FREM2: variants seen among roughly 807,000 people sequenced by gnomAD.
FREM2 encodes the protein FRAS1 related extracellular matrix 2.
Under a neutral mutation model 219.9 loss-of-function variants are expected in FREM2, and 119 were observed. The ratio of observed to expected loss-of-function variants is 0.54; its 90% CI spans 0.47 to 0.63. The LOEUF is 0.63. Ranked by LOEUF, FREM2 falls within the 30% of genes least tolerant of loss-of-function variation. The pLI is 0.00. For missense variants in FREM2, 4,030 were observed against 3,993.6 expected (o/e 1.01, Z -0.25); for synonymous variants, 1,562 against 1,522.8 (o/e 1.03, Z -0.60).
intron 3 of FREM2, among the ~76,000 whole-genome samples, chr13:38,767,732 A>ACC (rs1283312608): frequency 6.6e-6 from 1 of 152,188 alleles, no homozygotes; most frequent in African/African-American, 2.4e-5. Flanking sequence ...TGCACAAGGA[A>ACC]CCAGAGAGCT....
At position 38,687,428 on chromosome 13, in the gene FREM2, C is replaced by G. The variant is rs141718695; in HGVS notation, c.84C>G (p.Pro28=). 1.4e-3 allele frequency: 2,262 copies of G among 1,601,794 alleles called. 8 individuals are homozygous for G. Among genetic ancestry groups the G allele is most frequent in the African/African-American group, 8.5e-3 (633 of 74,872 alleles). Residue 28 remains proline (P), a synonymous_variant, in exon 1 of 24, where the codon CCC becomes CCG. Transcript: ENST00000280481. ...TSFQPGPPPP[P]RLLLLLLLLL... Reference sequence around the variant, plus strand: ...TTCAACCAGGACCGCCACCGCCGCCCCGGCTGCTGCTGCTGCTGCTGCTTC... The same window carrying G: ...TTCAACCAGGACCGCCACCGCCGCCGCGGCTGCTGCTGCTGCTGCTGCTTC...
chr13:38,851,773 T>C lies in FREM2; in HGVS notation c.6830T>C (p.Ile2277Thr). 1 of 1,613,832 alleles carries C rather than the reference T, an allele frequency of 6.2e-7. No individual in the cohort carries two copies. The highest frequency in any genetic ancestry group is 8.5e-7 in the Non-Finnish European group (1 of 1,179,774). The change falls in exon 11 of 24, where the codon ATT becomes ACT. Residue 2277 changes from isoleucine to threonine, a missense_variant. Around this residue, in one of 2 missense-constraint regions of FREM2, gnomAD observed 3,102 missense variants for 2,950.7 expected, o/e 1.05. Coordinates refer to ENST00000280481, the MANE Select transcript of FREM2 (RefSeq NM_207361.6). ...GESVVIRIPV[I>T]RQGDTSKVSI... ...TCGGTGGTTATAAGAATTCCAGTGA[T>C]TCGCCAAGGAGACACTTCAAAGGTT...
chr13:38,755,881 A>G (rs1872976450), intron 2 of FREM2, among the ~76,000 whole-genome samples: 1 of 152,218 alleles, frequency 6.6e-6, no homozygotes, highest in East Asian at 1.9e-4. Flanking sequence ...ACAATCCTAC[A>G]GATTTTCTTT....
chr13:38,770,081 CAT>C (rs1873599185), intron 4 of FREM2, among the ~76,000 whole-genome samples: 1 of 147,146 alleles, frequency 6.8e-6, no homozygotes, highest in Admixed American at 6.8e-5. Context: ...TATATATAAA[CAT>C]AATTATATTT....
chr13:38,784,484 A>T, intron 5 of FREM2, 73 bp from the exon 6 acceptor site: 1 of 1,556,558 alleles, frequency 6.4e-7, no homozygotes, highest in Non-Finnish European at 8.8e-7. Context: ...GCTGTGTATG[A>T]AAATAATTGT....
intron 2 of FREM2, among the ~76,000 whole-genome samples, chr13:38,714,195 C>CA (rs1188773703): frequency 5.3e-5 from 8 of 152,210 alleles, no homozygotes; most frequent in African/African-American, 1.7e-4. Context: ...GTCACATATT[C>CA]AAATGAGTGA....
intron 3 of FREM2, among the ~76,000 whole-genome samples, chr13:38,765,813 CT>C (rs1263256810): frequency 1.2e-3 from 182 of 152,274 alleles, no homozygotes; most frequent in South Asian, 2.9e-3. Flanking sequence ...TCCCCGCGGC[CT>C]CACCCCCAGC....
intron 6 of FREM2, among the ~76,000 whole-genome samples, chr13:38,836,147 A>G (rs1308881397): frequency 2.6e-5 from 4 of 152,204 alleles, no homozygotes; most frequent in Non-Finnish European, 4.4e-5. Context: ...CGTTTTTAGC[A>G]TGAAGGAGTG....
In FREM2 at chr13:38,691,458, C is replaced by G. The variant is rs1431811994; in HGVS notation, c.4114C>G (p.Gln1372Glu). Reference protein sequence around the residue: ...ENITLGMNFTQDEVDRNLIQY... With the variant: ...ENITLGMNFTEDEVDRNLIQY... Reference sequence around the variant, plus strand: ...TATCACACTGGGCATGAATTTTACCCAGGATGAAGTAGACAGAAACTTAAT... The same window carrying G: ...TATCACACTGGGCATGAATTTTACCGAGGATGAAGTAGACAGAAACTTAAT... Residue 1372 changes from glutamine (Q) to glutamate (E), a missense_variant, in exon 1 of 24, where the codon CAG becomes GAG. Transcript: ENST00000280481. 6 of 1,613,976 alleles carry G rather than the reference C, an allele frequency of 3.7e-6. No individual in the cohort carries two copies. Among genetic ancestry groups the G allele is most frequent in the African/African-American group, 1.3e-5 (1 of 74,888 alleles).
At chr13:38,824,077 G>A (rs1181705408) in intron 6 of FREM2, among the ~76,000 whole-genome samples, 1 of 152,104 alleles carries the variant, frequency 6.6e-6, no homozygotes, top group Non-Finnish European at 1.5e-5. Flanking sequence ...CAAGTGAAAG[G>A]AAGAAAGAAA....
chr13:38,728,335 G>T (rs1871616095), intron 2 of FREM2, among the ~76,000 whole-genome samples: 1 of 152,110 alleles, frequency 6.6e-6, no homozygotes, highest in Non-Finnish European at 1.5e-5. Flanking sequence ...GAGCTTTGTT[G>T]TTCTCCATTT....
chr13:38,687,957 C>T lies in FREM2; in HGVS notation c.613C>T (p.Leu205=). The T allele has an allele frequency of 6.2e-7, 1 of 1,610,680 alleles. No homozygotes were observed. The highest frequency in any genetic ancestry group is 1.1e-5 in the South Asian group (1 of 90,556). Residue 205 remains leucine (L), a synonymous_variant, in exon 1 of 24, where the codon CTG becomes TTG. Transcript: ENST00000280481. The part of the protein sequence containing the change: ...GTSNALDARS[L]EFAFQPETEE... Reference sequence around the variant, plus strand: ...CAGCAATGCCCTGGACGCGCGGAGCCTGGAGTTCGCCTTCCAGCCCGAGAC... The same window carrying T: ...CAGCAATGCCCTGGACGCGCGGAGCTTGGAGTTCGCCTTCCAGCCCGAGAC...
chr13:38,755,109 G>A (rs113488959), intron 2 of FREM2, among the ~76,000 whole-genome samples: 3 of 151,890 alleles, frequency 2.0e-5, no homozygotes, highest in African/African-American at 7.3e-5. Context: ...CACCATGTTG[G>A]TCAGGCTGGT....
At chr13:38,700,152 T>C (rs1161301252) in intron 2 of FREM2, among the ~76,000 whole-genome samples, 1 of 152,050 alleles carries the variant, frequency 6.6e-6, no homozygotes, top group Non-Finnish European at 1.5e-5. Flanking sequence ...TAAAACATAA[T>C]TCAATTTAAG....
At chr13:38,829,917 A>G (rs1272368685) in intron 6 of FREM2, among the ~76,000 whole-genome samples, 2 of 152,044 alleles carry the variant, frequency 1.3e-5, no homozygotes, top group Admixed American at 6.6e-5. Context: ...TTAAAAATAG[A>G]CATAATGTTG....
Position 38,880,386 on chromosome 13 carries a change from C to T in FREM2, c.9109C>T (p.Leu3037=). The T allele has an allele frequency of 6.2e-7, 1 of 1,614,042 alleles. No homozygotes were observed. The highest frequency in any genetic ancestry group is 8.5e-7 in the Non-Finnish European group (1 of 1,180,016). ...IGKRSVEYHS[L]VSQGKPQSTT... Reference sequence around the variant, plus strand: ...CAAAAGAAGTGTGGAGTACCATTCTCTGGTGAGTCAAGGAAAGCCCCAATC... The same window carrying T: ...CAAAAGAAGTGTGGAGTACCATTCTTTGGTGAGTCAAGGAAAGCCCCAATC... Residue 3037 remains leucine, a synonymous_variant, in exon 24 of 24, where the codon CTG becomes TTG. Coordinates refer to ENST00000280481, the MANE Select transcript of FREM2 (RefSeq NM_207361.6).
In FREM2 at chr13:38,876,006, A is replaced by G; in HGVS notation, c.8282-16A>G. ...GAACCACTATATCATTATTATAATTACTGGCACTTTCCTAGCATCCTTTAC... is the reference window on the plus strand; with the variant it reads ...GAACCACTATATCATTATTATAATTGCTGGCACTTTCCTAGCATCCTTTAC... On this transcript the variant is annotated splice_polypyrimidine_tract_variant and intron_variant, in intron 18 of 23. Coordinates refer to ENST00000280481, the MANE Select transcript of FREM2 (RefSeq NM_207361.6). The G allele has an allele frequency of 6.2e-7, 1 of 1,608,148 alleles. No homozygotes were observed. Among genetic ancestry groups the G allele is most frequent in the South Asian group, 1.1e-5 (1 of 90,970 alleles).
Sources: gnomAD v4.1 joint callset for allele counts (sites outside exome capture counted in the v4.1 genomes callset) on GRCh38, gnomAD v4.1.1 for gene constraint, gnomAD v4.1.1 regional missense constraint, MANE v1.5 for transcripts, NCBI Gene and HGNC (gene_info 2026-07-23, HGNC 2026-07-21) for gene names.